The following POLR3D variants were observed in gnomAD, a reference collection of about 807,000 sequenced individuals.
The protein encoded by POLR3D is DNA-directed RNA polymerase III subunit RPC4.
In POLR3D, 42 loss-of-function variants were observed where a neutral mutation model predicts 44.5. The observed-to-expected ratio is 0.94, with a 90% CI of 0.74 to 1.22. The LOEUF is 1.22. Ranked by LOEUF, POLR3D falls within the 50% of genes most tolerant of loss-of-function variation. The pLI is 0.00. For synonymous variants in POLR3D, 217 were observed against 198.1 expected, an observed-to-expected ratio of 1.10 and a Z score of -0.80; for missense variants, 507 against 505.2, an observed-to-expected ratio of 1.00 and a Z score of -0.03.
In POLR3D at chr8:22,247,211, T is replaced by A. The variant is rs1830052714; in HGVS notation, c.166-10T>A. On this transcript the variant is annotated splice_polypyrimidine_tract_variant and intron_variant, in intron 2 of 8. Coordinates refer to ENST00000306433, the MANE Select transcript of POLR3D (RefSeq NM_001722.3). The stretch of plus-strand genomic sequence containing the variant: ...CTAACACATCAGTGACTCCTGTATT[T>A]TGCTTTCAGAAAACCTTCACCCCAA... The A allele has an allele frequency of 1.9e-6, 3 of 1,610,146 alleles. No individual in the cohort carries two copies. The highest frequency in any genetic ancestry group is 2.5e-6 in the Non-Finnish European group (3 of 1,176,770).
rs1461344312 is a variant in POLR3D at position 22,251,424 on chromosome 8, A to G, written c.*906A>G. On this transcript the variant is annotated 3_prime_UTR_variant, in exon 9 of 9. Coordinates refer to ENST00000306433, the MANE Select transcript of POLR3D (RefSeq NM_001722.3). ...AGTCAGAGACCCCTCCCAGCACCCT[A>G]CAAAAGCCTTTGGGGGACATGTTGG... 1 of 153,760 alleles carries G rather than the reference A, an allele frequency of 6.5e-6. No individual in the cohort carries two copies. The highest frequency in any genetic ancestry group is 2.4e-5 in the African/African-American group (1 of 41,442). 9.5% of individuals were successfully genotyped at this position (153,760 alleles called of 1,614,324 possible). A position where few individuals can be genotyped will look rare whatever the true frequency, so the allele number is the denominator to read the frequency against.
At chr8:22,245,651 C>T (rs1161989767) in intron 2 of POLR3D, 37 bp downstream of exon 2, 6 of 1,228,180 alleles carry the variant, frequency 4.9e-6, no homozygotes, top group Non-Finnish European at 5.1e-6. Context: ...ACTCAACTAC[C>T]TTGAATTCCA....
At chr8:22,246,468 G>A (rs1233316713) in intron 2 of POLR3D, among the ~76,000 whole-genome samples, 1 of 150,318 alleles carries the variant, frequency 6.7e-6, no homozygotes, top group Admixed American at 6.6e-5. Context: ...TTGTTTTTAA[G>A]GGAATCTCTT....
At chr8:22,245,767 C>T (rs763545188) in intron 2 of POLR3D, among the ~76,000 whole-genome samples, 153 bp downstream of exon 2, 25 of 152,194 alleles carry the variant, frequency 1.6e-4, no homozygotes, top group Non-Finnish European at 2.9e-4. Flanking sequence ...TCTGTCCTAC[C>T]TTCAAATCTA....
At position 22,254,159 on chromosome 8, in the gene POLR3D, A is replaced by G. The variant is rs2131952678; in HGVS notation, c.*3641A>G. On this transcript the variant is annotated 3_prime_UTR_variant, in exon 9 of 9. Transcript: ENST00000306433. Reference sequence around the variant, plus strand: ...TTATGTCCATAGGTACCCATTATTTAGCTCCCACTTATAAGTGAGAACATG... The same window carrying G: ...TTATGTCCATAGGTACCCATTATTTGGCTCCCACTTATAAGTGAGAACATG... 6.6e-6 allele frequency: 1 copy of G among 151,438 alleles called. No individual in the cohort carries two copies. Among genetic ancestry groups the G allele is most frequent in the South Asian group, 2.1e-4 (1 of 4,778 alleles). 9.4% of individuals were successfully genotyped at this position (151,438 alleles called of 1,614,324 possible).
intron 3 of POLR3D, 145 bp from the exon 4 acceptor site, chr8:22,247,712 G>T: frequency 4.2e-6 from 3 of 710,190 alleles, no homozygotes; most frequent in Non-Finnish European, 4.5e-6. Context: ...AAAAGTGCTA[G>T]AATTAGGATT....
intron 1 of POLR3D, 105 bp from the exon 2 acceptor site, chr8:22,245,340 C>T: frequency 1.2e-6 from 1 of 814,660 alleles, no homozygotes; most frequent in Non-Finnish European, 1.7e-6. Flanking sequence ...TGAGAGGCCA[C>T]TGGAGGGACG....
Position 22,250,089 on chromosome 8 carries a change from A to G in POLR3D, c.936A>G (p.Ala312=). The part of the protein sequence containing the change: ...KQEKDREAKL[A]ENACTLADLT... The stretch of plus-strand genomic sequence containing the variant: ...TTTCTCCGCAGGAAGCCAAATTGGC[A>G]GAGAATGCTTGTACCCTGGCTGACC... The change falls in exon 8 of 9, where the codon GCA becomes GCG. Residue 312 remains alanine (A), a synonymous_variant. Coordinates refer to ENST00000306433, the MANE Select transcript of POLR3D (RefSeq NM_001722.3). 6.2e-7 allele frequency: 1 copy of G among 1,614,132 alleles called. No homozygotes were observed. The highest frequency in any genetic ancestry group is 8.5e-7 in the Non-Finnish European group (1 of 1,180,012).
chr8:22,247,150 G>T (rs984006330), intron 2 of POLR3D, 71 bp from the exon 3 acceptor site: 1 of 1,218,036 alleles, frequency 8.2e-7, no homozygotes, highest in Non-Finnish European at 1.2e-6. Flanking sequence ...TGCCCTTTGG[G>T]AATTTTTATT....
At chr8:22,245,365 C>T in intron 1 of POLR3D, 80 bp from the exon 2 acceptor site, 1 of 1,118,840 alleles carries the variant, frequency 8.9e-7, no homozygotes, top group East Asian at 3.1e-5. Context: ...GACTGGGGGA[C>T]CGGAAAGCAA....
chr8:22,252,661 C>T lies in POLR3D; in HGVS notation c.*2143C>T, dbSNP rs1257605341. 2 of 152,128 alleles carry T rather than the reference C, an allele frequency of 1.3e-5. No individual in the cohort carries two copies. 9.4% of individuals were successfully genotyped at this position (152,128 alleles called of 1,614,324 possible). A position where few individuals can be genotyped will look rare whatever the true frequency, so the allele number is the denominator to read the frequency against. On this transcript the variant is annotated 3_prime_UTR_variant, in exon 9 of 9. Coordinates refer to ENST00000306433, the MANE Select transcript of POLR3D (RefSeq NM_001722.3). ...AGGCCCCTGAGGCATGCATTTCTAC[C>T]AAGGAATATGGACAGATGACAGAGG...
Position 22,250,738 on chromosome 8 carries a change from G to T in POLR3D, c.*220G>T. On this transcript the variant is annotated 3_prime_UTR_variant, in exon 9 of 9. Coordinates refer to ENST00000306433, the MANE Select transcript of POLR3D (RefSeq NM_001722.3). Reference sequence around the variant, plus strand: ...GGAGATGGCACATCCTTGCTGCTGGGGACTTGGCCCTGCTATTTATTTTTG... The same window carrying T: ...GGAGATGGCACATCCTTGCTGCTGGTGACTTGGCCCTGCTATTTATTTTTG... 1.7e-6 allele frequency: 1 copy of T among 589,762 alleles called. No individual in the cohort carries two copies. Among genetic ancestry groups the T allele is most frequent in the East Asian group, 2.9e-5 (1 of 34,648 alleles). 36.5% of individuals were successfully genotyped at this position (589,762 alleles called of 1,614,324 possible). A position where few individuals can be genotyped will look rare whatever the true frequency, so the allele number is the denominator to read the frequency against.
chr8:22,248,064 A>G, intron 4 of POLR3D, 56 bp downstream of exon 4: 1 of 1,607,828 alleles, frequency 6.2e-7, no homozygotes, highest in Non-Finnish European at 8.5e-7. Flanking sequence ...AAGGGCGAGA[A>G]CAGTGGAATT....
At position 22,245,539 on chromosome 8, in the gene POLR3D, G is replaced by T. The variant is rs1313434685; in HGVS notation, c.90G>T (p.Arg30=). 1.6e-6 allele frequency: 2 copies of T among 1,266,006 alleles called. No homozygotes were observed. The highest frequency in any genetic ancestry group is 2.0e-6 in the Non-Finnish European group (2 of 998,238). The allele number at this position is 1,266,006 out of a possible 1,614,324, so 78.4% of individuals were successfully genotyped here. A position where few individuals can be genotyped will look rare whatever the true frequency, so the allele number is the denominator to read the frequency against. ...GGGCCCGGGGGCTCATCGGGCGGCG[G>T]CCGGCGCCTCCCCTCACCCCCGGCC... ...LTGARGLIGR[R]PAPPLTPGRL... The change falls in exon 2 of 9, where the codon CGG becomes CGT. Residue 30 remains arginine, a synonymous_variant. Transcript: ENST00000306433.
rs1053694154 is a variant in POLR3D at position 22,245,183 on chromosome 8, G to A, written c.-6G>A. The A allele has an allele frequency of 1.4e-5, 8 of 585,374 alleles. No individual in the cohort carries two copies. Among genetic ancestry groups the A allele is most frequent in the African/African-American group, 3.7e-5 (2 of 53,374 alleles). 36.3% of individuals were successfully genotyped at this position (585,374 alleles called of 1,614,324 possible). On this transcript the variant is annotated splice_region_variant and 5_prime_UTR_variant, in exon 1 of 9. Coordinates refer to ENST00000306433, the MANE Select transcript of POLR3D (RefSeq NM_001722.3). ...AAGGCTGGCGGCTGGTCGCGTTGCA[G>A]GTGAGGTTGTGACGCGCGGTGTGGA...
intron 2 of POLR3D, among the ~76,000 whole-genome samples, chr8:22,246,034 T>G (rs1830037376): frequency 6.6e-6 from 1 of 152,222 alleles, no homozygotes; most frequent in Non-Finnish European, 1.5e-5. Context: ...CGAGGCTCTG[T>G]GGCCTCTCCC....
Position 22,248,649 on chromosome 8 carries a change from G to A in POLR3D, c.655G>A (p.Val219Met), listed in dbSNP as rs755689267. 1 of 1,611,532 alleles carries A rather than the reference G, an allele frequency of 6.2e-7. No individual in the cohort carries two copies. Among genetic ancestry groups the A allele is most frequent in the South Asian group, 1.1e-5 (1 of 90,812 alleles). ...DMEVDIPAVKVKEEPRDEEEE... is the reference protein window; with the variant it reads ...DMEVDIPAVKMKEEPRDEEEE... The stretch of plus-strand genomic sequence containing the variant: ...GGAGGTGGACATACCTGCTGTGAAA[G>A]GTACTCTGTCGGTTAACTTCTCATC... Residue 219 changes from valine (V) to methionine (M), a missense_variant and splice_region_variant, in exon 6 of 9, where the codon GTG becomes ATG. Val to Met is a conservative substitution (Grantham distance 21, BLOSUM62 1). Coordinates refer to ENST00000306433, the MANE Select transcript of POLR3D (RefSeq NM_001722.3).
chr8:22,245,947 T>G (rs1830036204), intron 2 of POLR3D, among the ~76,000 whole-genome samples: 1 of 152,224 alleles, frequency 6.6e-6, no homozygotes, highest in Non-Finnish European at 1.5e-5. Context: ...AACTTCGCAG[T>G]CTTAGAGGGT....
In POLR3D at chr8:22,249,139, G is replaced by A. The variant is rs1830073882; in HGVS notation, c.751G>A (p.Val251Met). ...TCCAGGCCTCCCGAAGGATGTATCT[G>A]TGGCAGAGCTGCTGAGGGAGCTGAG... ...KTPGLPKDVS[V>M]AELLRELSLT... Residue 251 changes from valine (V) to methionine (M), a missense_variant, in exon 7 of 9, where the codon GTG becomes ATG. Transcript: ENST00000306433. 6.2e-7 allele frequency: 1 copy of A among 1,614,124 alleles called. No individual in the cohort carries two copies. The highest frequency in any genetic ancestry group is 8.5e-7 in the Non-Finnish European group (1 of 1,180,016).
Sources: allele counts gnomAD v4.1 joint callset (sites outside exome capture counted in the v4.1 genomes callset), GRCh38; gene constraint gnomAD v4.1.1; transcripts MANE v1.5; gene names NCBI Gene and HGNC (gene_info 2026-07-23, HGNC 2026-07-21).